Variants in EDA observed in about 807,000 individuals in gnomAD.
EDA encodes ectodysplasin-A.
A neutral mutation model predicts 23.6 loss-of-function variants in EDA; 2 were observed. The observed-to-expected ratio is 0.08, with a 90% CI of 0.03 to 0.27. EDA has a LOEUF of 0.27. EDA is among the 10% of genes least tolerant of loss of function. The probability of loss-of-function intolerance (pLI) is 1.00; values close to 1 mark genes in which losing one functional copy is unlikely to be tolerated. For synonymous variants in EDA, 131 were observed against 132.0 expected (o/e 0.99, Z 0.05); for missense variants, 229 against 324.2 (o/e 0.71, Z 2.26).
intron 1 of EDA, among the ~76,000 whole-genome samples, chrX:69,829,312 C>T (rs927407768): frequency 5.4e-5 from 6 of 111,653 alleles, no homozygotes; most frequent in Admixed American, 9.5e-5. Flanking sequence ...ACTGGAAGAG[C>T]CTTGCTCAGA....
At chrX:69,827,061 A>G (rs1392180468) in intron 1 of EDA, among the ~76,000 whole-genome samples, 1 of 112,014 alleles carries the variant, frequency 8.9e-6, no homozygotes, top group Non-Finnish European at 1.9e-5. Context: ...GTTTCTGCCG[A>G]GAGATCCGTT....
intron 1 of EDA, among the ~76,000 whole-genome samples, chrX:69,951,867 A>G (rs2018932207): frequency 8.9e-6 from 1 of 111,983 alleles, no homozygotes; most frequent in Non-Finnish European, 1.9e-5. Flanking sequence ...AGTGTAAAGA[A>G]TTAGATTTTT....
intron 1 of EDA, among the ~76,000 whole-genome samples, chrX:69,653,240 T>C (rs1318441121): frequency 4.5e-5 from 5 of 111,659 alleles, no homozygotes; most frequent in Non-Finnish European, 9.4e-5. Flanking sequence ...TTGGAAGCAA[T>C]TGTGAATGGG....
intron 1 of EDA, among the ~76,000 whole-genome samples, chrX:69,898,929 T>C (rs920314898): frequency 3.6e-5 from 4 of 112,122 alleles, no homozygotes; most frequent in African/African-American, 1.3e-4. Context: ...GTTCTCTTGC[T>C]TTTTTACTTC....
At chrX:69,760,899 T>C (rs908338447) in intron 1 of EDA, among the ~76,000 whole-genome samples, 2 of 111,588 alleles carry the variant, frequency 1.8e-5, no homozygotes, top group East Asian at 5.6e-4. Flanking sequence ...ATTCCTCCCA[T>C]GGGGTTTTAT....
At chrX:69,745,655 G>T (rs1019147828) in intron 1 of EDA, among the ~76,000 whole-genome samples, 1 of 111,771 alleles carries the variant, frequency 8.9e-6, no homozygotes, top group African/African-American at 3.3e-5. Context: ...AATATTTAGT[G>T]CTCCAGAAAA....
At chrX:69,786,046 A>G (rs2015156551) in intron 1 of EDA, among the ~76,000 whole-genome samples, 1 of 109,067 alleles carries the variant, frequency 9.2e-6, no homozygotes, top group Non-Finnish European at 1.9e-5. Context: ...CGAGGAATTT[A>G]TCCATTTCTT....
intron 2 of EDA, among the ~76,000 whole-genome samples, chrX:69,971,666 A>G (rs1466620945): frequency 1.8e-5 from 2 of 111,487 alleles, no homozygotes; most frequent in African/African-American, 6.5e-5. Flanking sequence ...AGCTCATCTT[A>G]GTTTACATTC....
chrX:69,750,157 TCCCTCCCCCTCC>T (rs1231587473), intron 1 of EDA, among the ~76,000 whole-genome samples: 1 of 70,597 alleles, frequency 1.4e-5, no homozygotes, highest in Admixed American at 1.7e-4. Flanking sequence ...CCTAATGCTA[TCCCTCCCCCTCC>T]CCCTCCCCCC....
chrX:69,935,751 A>G (rs754536998), intron 1 of EDA, among the ~76,000 whole-genome samples: 1 of 110,292 alleles, frequency 9.1e-6, no homozygotes, highest in African/African-American at 3.3e-5. Context: ...CATCCTACAC[A>G]TGCTCTGGTC....
At chrX:69,930,603 T>C (rs1375981267) in intron 1 of EDA, among the ~76,000 whole-genome samples, 1 of 111,647 alleles carries the variant, frequency 9.0e-6, no homozygotes, top group African/African-American at 3.2e-5. Context: ...ATGCTTTTCT[T>C]CTAAAATCAG....
intron 1 of EDA, among the ~76,000 whole-genome samples, chrX:69,865,036 AATAG>A (rs1360097459): frequency 5.4e-5 from 6 of 110,533 alleles, no homozygotes; most frequent in African/African-American, 1.6e-4. Flanking sequence ...TATTCAGTGA[AATAG>A]ATAGCATAAA....
chrX:69,660,112 A>C (rs1933438478), intron 1 of EDA, among the ~76,000 whole-genome samples: 1 of 111,483 alleles, frequency 9.0e-6, no homozygotes, highest in Non-Finnish European at 1.9e-5. Context: ...AACATTTTAA[A>C]AAGTAAAGGC....
chrX:69,855,635 C>A (rs2017230250), intron 1 of EDA, among the ~76,000 whole-genome samples: 1 of 110,884 alleles, frequency 9.0e-6, no homozygotes, highest in South Asian at 3.8e-4. Flanking sequence ...AGGTGTGCGG[C>A]CTTATTTCTG....
rs750145158 is a variant in EDA, at chrX:69,741,127, G to GT, written c.396+124429dup. 2.3e-3 allele frequency among the ~76,000 whole-genome samples: 249 copies of GT among 110,008 alleles called. 1 individual carries two copies. The highest frequency in any genetic ancestry group is 8.0e-3 in the African/African-American group (242 of 30,331). ...ACTTCTTTAGCCATGGTTTCCTTTAGTTTTTTGAACATATTTATAATACTT... is the reference window on the plus strand; with the variant it reads ...ACTTCTTTAGCCATGGTTTCCTTTAGTTTTTTTGAACATATTTATAATACTT... On this transcript the variant is annotated intron_variant, in intron 1 of 7. Transcript: ENST00000374552.
intron 1 of EDA, among the ~76,000 whole-genome samples, chrX:69,630,096 G>A (rs1232004635): frequency 5.4e-5 from 6 of 111,198 alleles, no homozygotes; most frequent in African/African-American, 2.0e-4. Flanking sequence ...AAAATATGCC[G>A]GTGTTCCAAA....
intron 1 of EDA, among the ~76,000 whole-genome samples, chrX:69,824,870 C>T (rs1459433492): frequency 5.7e-5 from 4 of 70,497 alleles, no homozygotes; most frequent in Non-Finnish European, 1.0e-4. Context: ...TGAGATATGT[C>T]CCATCAATAC....
intron 1 of EDA, among the ~76,000 whole-genome samples, chrX:69,727,947 T>TA (rs987875128): frequency 5.4e-5 from 6 of 111,671 alleles, no homozygotes; most frequent in African/African-American, 1.6e-4. Context: ...ATGATTGTGA[T>TA]AAAAAATGAG....
intron 1 of EDA, among the ~76,000 whole-genome samples, chrX:69,774,336 G>A (rs751981367): frequency 9.0e-6 from 1 of 111,529 alleles, no homozygotes; most frequent in Admixed American, 9.6e-5. Flanking sequence ...TCCGTCCTGT[G>A]AACTTTAGAT....
Sources: gnomAD v4.1 joint callset for allele counts (sites outside exome capture counted in the v4.1 genomes callset) on GRCh38, gnomAD v4.1.1 for gene constraint, MANE v1.5 for transcripts, NCBI Gene and HGNC (gene_info 2026-07-23, HGNC 2026-07-21) for gene names.